The following TIGIT variants were observed in gnomAD, a reference collection of about 807,000 sequenced individuals.
TIGIT encodes T cell immunoreceptor with Ig and ITIM domains.
TIGIT carries 11 observed loss-of-function variants against 19.6 expected under a neutral mutation model. That is an observed-to-expected ratio of 0.56 (90% confidence interval 0.35 to 0.93). TIGIT has a LOEUF of 0.93. TIGIT is among the 40% of genes least tolerant of loss of function. TIGIT has a pLI of 0.01. For synonymous variants in TIGIT, 130 were observed against 125.5 expected (o/e 1.04, Z -0.24); for missense variants, 295 against 303.9 (o/e 0.97, Z 0.22).
At position 114,296,633 on chromosome 3, in the gene TIGIT, G is replaced by A. The variant is rs574788156; in HGVS notation, c.391+759G>A. Among the ~76,000 whole-genome samples, 6 of 152,330 alleles carry A rather than the reference G, an allele frequency of 3.9e-5. No individual in the cohort carries two copies. In the South Asian group the frequency reaches 1.2e-3, roughly 32 times the overall value. On this transcript the variant is annotated intron_variant, in intron 2 of 3. Coordinates refer to ENST00000383671, the MANE Select transcript of TIGIT (RefSeq NM_173799.4). ...GAAAATGGTCTTAGAACAATGCCTGGAACATGGTAAGTGCTGTATAAGTGT... is the reference window on the plus strand; with the variant it reads ...GAAAATGGTCTTAGAACAATGCCTGAAACATGGTAAGTGCTGTATAAGTGT...
chr3:114,300,195 T>C (rs968018475), intron 3 of TIGIT, among the ~76,000 whole-genome samples: 2 of 151,768 alleles, frequency 1.3e-5, no homozygotes, highest in Middle Eastern at 3.4e-3. Flanking sequence ...ATATGGCTGG[T>C]GCTATTGGGA....
At chr3:114,305,864 G>GATAGATA (rs2078531000) in intron 3 of TIGIT, among the ~76,000 whole-genome samples, 2 of 145,046 alleles carry the variant, frequency 1.4e-5, no homozygotes, top group Non-Finnish European at 3.0e-5. Context: ...ATGGATGGAT[G>GATAGATA]GATAGATAGA....
At chr3:114,305,265 C>T (rs529246024) in intron 3 of TIGIT, among the ~76,000 whole-genome samples, 1 of 152,260 alleles carries the variant, frequency 6.6e-6, no homozygotes, top group African/African-American at 2.4e-5. Context: ...ATTTCACCAC[C>T]AGTCATGGGG....
chr3:114,301,797 C>A (rs1272762573), intron 3 of TIGIT, among the ~76,000 whole-genome samples: 1 of 152,210 alleles, frequency 6.6e-6, no homozygotes, highest in East Asian at 1.9e-4. Flanking sequence ...TGTGGGTCCT[C>A]TCTGCATCTT....
chr3:114,307,092 A>G (rs942897098), intron 3 of TIGIT, among the ~76,000 whole-genome samples: 4 of 152,204 alleles, frequency 2.6e-5, no homozygotes, highest in African/African-American at 9.7e-5. Context: ...AGTTTTACAG[A>G]TAAATTGAGT....
chr3:114,300,002 T>A (rs1245346645), intron 3 of TIGIT, among the ~76,000 whole-genome samples: 1 of 152,230 alleles, frequency 6.6e-6, no homozygotes, highest in Non-Finnish European at 1.5e-5. Context: ...TTAATTTATC[T>A]ACTATGATTT....
At chr3:114,306,926 G>GA (rs1177343092) in intron 3 of TIGIT, among the ~76,000 whole-genome samples, 1 of 152,174 alleles carries the variant, frequency 6.6e-6, no homozygotes, top group Non-Finnish European at 1.5e-5. Context: ...TTTTGTTTTT[G>GA]AAAATCACTC....
chr3:114,299,538 G>A, intron 2 of TIGIT, 59 bp from the exon 3 acceptor site: 1 of 1,347,236 alleles, frequency 7.4e-7, no homozygotes, highest in South Asian at 1.2e-5. Flanking sequence ...AGGCTGCCCT[G>A]GGGAAATCAG....
intron 2 of TIGIT, among the ~76,000 whole-genome samples, chr3:114,299,273 G>A (rs1401039822): frequency 9.9e-5 from 15 of 152,092 alleles, no homozygotes; most frequent in Admixed American, 9.2e-4. Flanking sequence ...TTCACTTTCT[G>A]AGTTTTTTTC....
intron 3 of TIGIT, among the ~76,000 whole-genome samples, chr3:114,306,582 C>T (rs543707458): frequency 2.6e-5 from 4 of 152,174 alleles, no homozygotes; most frequent in South Asian, 2.1e-4. Flanking sequence ...TGTAAAATGC[C>T]GATAATTATG....
intron 3 of TIGIT, among the ~76,000 whole-genome samples, chr3:114,303,549 A>ATGTATATATATATATACATATATATG (rs2078507973): frequency 2.7e-4 from 2 of 7,310 alleles, no homozygotes; most frequent in African/African-American, 5.2e-4. Context: ...ACACATATAT[A>ATGTATATATATATATACATATATATG]TGTATATATA....
chr3:114,304,629 T>C (rs1381705824), intron 3 of TIGIT, among the ~76,000 whole-genome samples: 1 of 152,238 alleles, frequency 6.6e-6, no homozygotes, highest in Non-Finnish European at 1.5e-5. Context: ...CCAGGTCCTG[T>C]AGTATATAAC....
At chr3:114,301,140 G>A (rs540904304) in intron 3 of TIGIT, among the ~76,000 whole-genome samples, 2 of 152,008 alleles carry the variant, frequency 1.3e-5, no homozygotes, top group African/African-American at 4.8e-5. Flanking sequence ...CTGATCTCTT[G>A]GGCCCTTTAA....
chr3:114,295,578 A>C lies in TIGIT; in HGVS notation c.95A>C (p.Asn32Thr), dbSNP rs1324498331. 1 of 1,614,130 alleles carries C rather than the reference A, an allele frequency of 6.2e-7. No homozygotes were observed. The highest frequency in any genetic ancestry group is 1.7e-5 in the Admixed American group (1 of 60,030). The change falls in exon 2 of 4, where the codon AAC becomes ACC. Residue 32 changes from asparagine to threonine, a missense_variant. Physicochemically the swap from Asn to Thr is moderately conservative, Grantham distance 65 (BLOSUM62 0). Coordinates refer to ENST00000383671, the MANE Select transcript of TIGIT (RefSeq NM_173799.4). ...ACAGGCACAATAGAAACAACGGGGA[A>C]CATTTCTGCAGAGAAAGGTGGCTCT... ...MMTGTIETTG[N>T]ISAEKGGSII...
rs558871742 is a variant in TIGIT at position 114,309,837 on chromosome 3, G to A, written c.*1706G>A. 1 of 152,274 alleles carries A rather than the reference G, an allele frequency of 6.6e-6. No individual in the cohort carries two copies. The highest frequency in any genetic ancestry group is 2.1e-4 in the South Asian group (1 of 4,816). 9.4% of individuals were successfully genotyped at this position (152,274 alleles called of 1,614,324 possible). A position where few individuals can be genotyped will look rare whatever the true frequency, so the allele number is the denominator to read the frequency against. ...AGGAGGTGTATATTCGGCAGAGGTT[G>A]GACTGAGAGTTGGGTGTTATTTAAC... is the stretch of plus-strand genomic sequence containing the variant. On this transcript the variant is annotated 3_prime_UTR_variant, in exon 4 of 4. Coordinates refer to ENST00000383671, the MANE Select transcript of TIGIT (RefSeq NM_173799.4).
intron 3 of TIGIT, among the ~76,000 whole-genome samples, chr3:114,300,316 G>A (rs981824824): frequency 2.6e-5 from 4 of 151,892 alleles, no homozygotes; most frequent in Non-Finnish European, 5.9e-5. Flanking sequence ...GGAGTTCAAG[G>A]CTGCAGTGAG....
At chr3:114,298,879 G>C (rs1457313086) in intron 2 of TIGIT, among the ~76,000 whole-genome samples, 1 of 152,178 alleles carries the variant, frequency 6.6e-6, no homozygotes, top group African/African-American at 2.4e-5. Context: ...ATGCATGGGG[G>C]TGATGGTGTT....
At chr3:114,305,143 C>CTA (rs2078524537) in intron 3 of TIGIT, among the ~76,000 whole-genome samples, 1 of 148,146 alleles carries the variant, frequency 6.8e-6, no homozygotes, top group South Asian at 2.2e-4. Context: ...AACTATTACC[C>CTA]TATACTGTTG....
At chr3:114,304,285 A>G (rs940917843) in intron 3 of TIGIT, among the ~76,000 whole-genome samples, 1 of 152,240 alleles carries the variant, frequency 6.6e-6, no homozygotes, top group African/African-American at 2.4e-5. Flanking sequence ...CACTTAAAAT[A>G]TAAAAGCCAT....
Sources: gnomAD v4.1 joint callset for allele counts (sites outside exome capture counted in the v4.1 genomes callset) on GRCh38, gnomAD v4.1.1 for gene constraint, MANE v1.5 for transcripts, NCBI Gene and HGNC (gene_info 2026-07-23, HGNC 2026-07-21) for gene names.